The following SNX30 variants were observed in gnomAD, a reference collection of about 807,000 sequenced individuals.
SNX30 encodes the protein sorting nexin-30.
Under a neutral mutation model 46.4 loss-of-function variants are expected in SNX30, and 24 were observed. That is an observed-to-expected ratio of 0.52 (90% confidence interval 0.37 to 0.73). SNX30 has a LOEUF of 0.73. Among genes scored for constraint, SNX30 ranks in the 30% least tolerant of loss-of-function variants. The pLI, the probability that SNX30 is intolerant of heterozygous loss-of-function variation, is 0.00. For synonymous variants in SNX30, 189 were observed against 211.5 expected, an observed-to-expected ratio of 0.89 and a Z score of 0.92; for missense variants, 533 against 555.7, an observed-to-expected ratio of 0.96 and a Z score of 0.41.
In SNX30 at chr9:112,774,117, C is replaced by T. The variant is rs569742434; in HGVS notation, c.156+22960C>T. On this transcript the variant is annotated intron_variant, in intron 1 of 8. Coordinates refer to ENST00000374232, the MANE Select transcript of SNX30 (RefSeq NM_001012994.2). ...TATTCATCAAATATTTATCAAGTGT[C>T]GGGCACTGTGCTAGGTGCTGCTAGC... 4.6e-5 allele frequency among the ~76,000 whole-genome samples: 7 copies of T among 152,270 alleles called. No homozygotes were observed. The South Asian group carries it at 1.5e-3, about 32-fold the overall frequency.
At chr9:112,850,764 T>C in intron 6 of SNX30, 95 bp from the exon 7 acceptor site, 2 of 866,890 alleles carry the variant, frequency 2.3e-6, no homozygotes, top group Middle Eastern at 3.4e-4. Context: ...AGGCCTTGAT[T>C]TGGGGAGGCG....
chr9:112,874,734 T>C lies in SNX30; in HGVS notation c.*5891T>C, dbSNP rs968715846. The C allele has an allele frequency of 7.3e-5, 11 of 150,972 alleles. No individual in the cohort carries two copies. Among genetic ancestry groups the C allele is most frequent in the African/African-American group, 2.7e-4 (11 of 41,072 alleles). The allele number at this position is 150,972 out of a possible 1,614,324, so 9.4% of individuals were successfully genotyped here. A position where few individuals can be genotyped will look rare whatever the true frequency, so the allele number is the denominator to read the frequency against. Reference sequence around the variant, plus strand: ...GAATGTCACCCTTTTTTTTGTTTGTTATGGAAACCAGAGATTGTAAAATGG... The same window carrying C: ...GAATGTCACCCTTTTTTTTGTTTGTCATGGAAACCAGAGATTGTAAAATGG... On this transcript the variant is annotated 3_prime_UTR_variant, in exon 9 of 9. Transcript: ENST00000374232.
rs1255694392 is a variant in SNX30 at position 112,874,768 on chromosome 9, T to A, written c.*5925T>A. 4.4e-5 allele frequency: 2 copies of A among 45,432 alleles called. No individual in the cohort carries two copies. The highest frequency in any genetic ancestry group is 9.8e-5 in the African/African-American group (2 of 20,432). 2.8% of individuals were successfully genotyped at this position (45,432 alleles called of 1,614,324 possible). ...CAGAGATTGTAAAATGGAAAAAGAA[T>A]CGTTTTTTTGTTGACTTTTTGATGC... On this transcript the variant is annotated 3_prime_UTR_variant, in exon 9 of 9. Coordinates refer to ENST00000374232, the MANE Select transcript of SNX30 (RefSeq NM_001012994.2).
chr9:112,822,562 C>G (rs1840519995), intron 3 of SNX30, among the ~76,000 whole-genome samples: 1 of 112,314 alleles, frequency 8.9e-6, no homozygotes, highest in Non-Finnish European at 1.7e-5. Context: ...TTGTAAGAAC[C>G]TGTAACATAA....
chr9:112,785,728 C>A (rs868361505), intron 1 of SNX30, among the ~76,000 whole-genome samples: 3 of 151,958 alleles, frequency 2.0e-5, no homozygotes, highest in Non-Finnish European at 4.4e-5. Context: ...TAGGATTTCA[C>A]TAGGTTGCCT....
At chr9:112,837,998 C>G (rs1840790838) in intron 5 of SNX30, among the ~76,000 whole-genome samples, 1 of 145,500 alleles carries the variant, frequency 6.9e-6, no homozygotes, top group Non-Finnish European at 1.5e-5. Context: ...TCAAGCAATT[C>G]TCCTGCCTCA....
rs756960842 is a variant in SNX30 at position 112,804,927 on chromosome 9, G to A, written c.308G>A (p.Cys103Tyr). Residue 103 changes from cysteine to tyrosine, a missense_variant, in exon 2 of 9, where the codon TGT becomes TAT. Transcript: ENST00000374232. ...VIVDDPKKHVCTMETYITYRI... is the reference protein window; with the variant it reads ...VIVDDPKKHVYTMETYITYRI... ...GTTGATGATCCCAAGAAGCATGTGT[G>A]TACAATGGAGACTTACATCACCTAT... The A allele has an allele frequency of 9.3e-6, 15 of 1,612,572 alleles. No homozygotes were observed. The highest frequency in any genetic ancestry group is 1.3e-5 in the Non-Finnish European group (15 of 1,179,198).
intron 1 of SNX30, among the ~76,000 whole-genome samples, chr9:112,753,436 C>G (rs1043885630): frequency 6.6e-6 from 1 of 152,102 alleles, no homozygotes; most frequent in Admixed American, 6.6e-5. Context: ...CAGGCTGGAG[C>G]GCAGTGGCCT....
rs2131524757 is a variant in SNX30 at position 112,872,702 on chromosome 9, C to CCA, written c.*3859_*3860insCA. 1 of 152,364 alleles carries CCA rather than the reference C, an allele frequency of 6.6e-6. No homozygotes were observed. The highest frequency in any genetic ancestry group is 1.5e-5 in the Non-Finnish European group (1 of 68,082). 9.4% of individuals were successfully genotyped at this position (152,364 alleles called of 1,614,324 possible). A position where few individuals can be genotyped will look rare whatever the true frequency, so the allele number is the denominator to read the frequency against. Reference sequence around the variant, plus strand: ...GGGTGATCCAATTATAGGGCTGGGGCAACCCTGCTTTGGCCACCCTCATTT... The same window carrying CCA: ...GGGTGATCCAATTATAGGGCTGGGGCCAAACCCTGCTTTGGCCACCCTCATTT... On this transcript the variant is annotated 3_prime_UTR_variant, in exon 9 of 9. Transcript: ENST00000374232.
At chr9:112,771,655 A>T (rs1839651380) in intron 1 of SNX30, among the ~76,000 whole-genome samples, 1 of 152,188 alleles carries the variant, frequency 6.6e-6, no homozygotes, top group African/African-American at 2.4e-5. Context: ...TTTGGTTAAT[A>T]ATGGTTGATA....
chr9:112,857,283 C>T (rs1841148826), intron 7 of SNX30, among the ~76,000 whole-genome samples: 1 of 152,188 alleles, frequency 6.6e-6, no homozygotes, highest in South Asian at 2.1e-4. Flanking sequence ...AAAAAGCATT[C>T]ATTCAGAGAG....
intron 1 of SNX30, 25 bp downstream of exon 1, chr9:112,751,182 G>T: frequency 1.4e-6 from 2 of 1,447,938 alleles, no homozygotes; most frequent in Non-Finnish European, 1.8e-6. Flanking sequence ...GCCGGGGAGT[G>T]GGAGGCTTAT....
At chr9:112,867,464 C>T (rs1355259808) in intron 8 of SNX30, among the ~76,000 whole-genome samples, 3 of 150,116 alleles carry the variant, frequency 2.0e-5, no homozygotes, top group Admixed American at 6.6e-5. Context: ...ATCCTCAGAA[C>T]TCCTCCCACC....
intron 1 of SNX30, among the ~76,000 whole-genome samples, chr9:112,761,368 G>A (rs1395685855): frequency 1.3e-5 from 2 of 152,242 alleles, no homozygotes; most frequent in East Asian, 3.9e-4. Flanking sequence ...TCACCATGTT[G>A]GCTAGGCTGG....
At chr9:112,843,661 C>G (rs921180612) in intron 6 of SNX30, among the ~76,000 whole-genome samples, 1 of 137,468 alleles carries the variant, frequency 7.3e-6, no homozygotes, top group Non-Finnish European at 1.5e-5. Context: ...GAGTCTCACT[C>G]TGTTGCCCAG....
In SNX30 at chr9:112,793,567, G is replaced by T. The variant is rs140122380; in HGVS notation, c.157-11209G>T. Among the ~76,000 whole-genome samples, 8 of 152,220 alleles carry T rather than the reference G, an allele frequency of 5.3e-5. No homozygotes were observed. The East Asian group carries it at 9.6e-4, about 18-fold the overall frequency. ...CTGACAATCACACTTTCAAATTAGC[G>T]TGCGTGTAAAGGGGGTTCAAGGACA... On this transcript the variant is annotated intron_variant, in intron 1 of 8. Transcript: ENST00000374232.
intron 7 of SNX30, among the ~76,000 whole-genome samples, chr9:112,853,016 G>GC (rs1424775251): frequency 6.6e-6 from 1 of 152,194 alleles, no homozygotes; most frequent in Non-Finnish European, 1.5e-5. Context: ...GTCATCTGAG[G>GC]CCCGGGGGAA....
chr9:112,846,196 G>C (rs1434511732), intron 6 of SNX30, among the ~76,000 whole-genome samples: 1 of 152,174 alleles, frequency 6.6e-6, no homozygotes, highest in Non-Finnish European at 1.5e-5. Context: ...TGTGCAGGCA[G>C]AGAAACAGAG....
intron 2 of SNX30, among the ~76,000 whole-genome samples, chr9:112,805,516 T>G (rs895487227): frequency 3.3e-5 from 5 of 152,226 alleles, no homozygotes; most frequent in African/African-American, 1.2e-4. Flanking sequence ...TTGCCCAGGC[T>G]GGAGTGCAGT....
Sources: gnomAD v4.1 joint callset for allele counts (sites outside exome capture counted in the v4.1 genomes callset) on GRCh38, gnomAD v4.1.1 for gene constraint, MANE v1.5 for transcripts, NCBI Gene and HGNC (gene_info 2026-07-23, HGNC 2026-07-21) for gene names.